PMPCB: variants seen among roughly 807,000 people sequenced by gnomAD.
PMPCB encodes mitochondrial-processing peptidase subunit beta.
PMPCB carries 46 observed loss-of-function variants against 61.5 expected under a neutral mutation model. The observed-to-expected ratio is 0.75, with a 90% CI of 0.59 to 0.96. The LOEUF is 0.96. PMPCB is among the 40% of genes least tolerant of loss of function. The pLI, the probability that PMPCB is intolerant of heterozygous loss-of-function variation, is 0.00. For missense variants in PMPCB, 590 were observed against 602.4 expected, an observed-to-expected ratio of 0.98 and a Z score of 0.22; for synonymous variants, 191 against 201.6, an observed-to-expected ratio of 0.95 and a Z score of 0.44.
chr7:103,301,055 T>C (rs1817437250), intron 4 of PMPCB, among the ~76,000 whole-genome samples: 1 of 152,248 alleles, frequency 6.6e-6, no homozygotes. Context: ...GGATTCCTAA[T>C]AGACTTTCAT....
chr7:103,309,222 TA>T, intron 8 of PMPCB, 127 bp downstream of exon 8: 4 of 672,540 alleles, frequency 5.9e-6, no homozygotes, highest in Non-Finnish European at 8.7e-6. Flanking sequence ...AATTCTGACT[TA>T]AAAATATAAA....
chr7:103,297,930 C>G, intron 1 of PMPCB: 1 of 1,263,398 alleles, frequency 7.9e-7, no homozygotes, highest in Non-Finnish European at 1.0e-6. Context: ...AGCTGGGCTT[C>G]CCGCGAACCT....
At chr7:103,306,627 C>T (rs535451957) in intron 6 of PMPCB, among the ~76,000 whole-genome samples, 14 of 152,258 alleles carry the variant, frequency 9.2e-5, no homozygotes, top group African/African-American at 3.4e-4. Flanking sequence ...TCAGGTGATC[C>T]GCCTGCCTCA....
chr7:103,319,305 T>G (rs1818248977), downstream of PMPCB, among the ~76,000 whole-genome samples: 1 of 152,068 alleles, frequency 6.6e-6, no homozygotes, highest in South Asian at 2.1e-4. Flanking sequence ...GGTGTGGTGT[T>G]GTGCGCCTAT....
At chr7:103,345,398 T>A in the PMPCB span, among the ~76,000 whole-genome samples, 1 of 152,096 alleles carries the variant, frequency 6.6e-6, no homozygotes, top group Non-Finnish European at 1.5e-5. Context: ...GTATTCCTAC[T>A]ATATGCTTCC....
At chr7:103,327,971 A>C (rs1488251640) in intron 12 of PMPCB, among the ~76,000 whole-genome samples, 1 of 152,024 alleles carries the variant, frequency 6.6e-6, no homozygotes, top group Non-Finnish European at 1.5e-5. Context: ...CCCAGGCTGG[A>C]GTGTAATGGC....
intron 12 of PMPCB, chr7:103,321,979 T>C: frequency 6.2e-7 from 1 of 1,614,192 alleles, no homozygotes; most frequent in African/African-American, 1.3e-5. Context: ...ATGGCTTTTT[T>C]CTGGATATCT....
chr7:103,309,026 A>G lies in PMPCB; in HGVS notation c.924A>G (p.Pro308=). 1 of 1,609,530 alleles carries G rather than the reference A, an allele frequency of 6.2e-7. No homozygotes were observed. The highest frequency in any genetic ancestry group is 8.5e-7 in the Non-Finnish European group (1 of 1,177,556). ...IAVEAVGWAH[P]DTICLMVANT... ...TTGAAGCTGTTGGTTGGGCACATCC[A>G]GATACAATCTGTCTCATGGTTGCAA... The change falls in exon 8 of 13, where the codon CCA becomes CCG. Residue 308 remains proline, a synonymous_variant. Transcript: ENST00000249269.
chr7:103,311,486 A>G, intron 9 of PMPCB, 157 bp from the exon 10 acceptor site: 1 of 612,344 alleles, frequency 1.6e-6, no homozygotes, highest in Non-Finnish European at 2.9e-6. Context: ...TGAGAAATTA[A>G]TACTGGGGAA....
chr7:103,336,148 C>CT, the PMPCB span: 4 of 152,160 alleles, frequency 2.6e-5, no homozygotes, highest in Non-Finnish European at 4.4e-5. Flanking sequence ...GCCTGCGCAA[C>CT]AAGTACGAAA....
Position 103,312,193 on chromosome 7 carries a change from T to C in PMPCB, c.1406-14T>C. The C allele has an allele frequency of 1.2e-6, 2 of 1,613,916 alleles. No individual in the cohort carries two copies. Among genetic ancestry groups the C allele is most frequent in the Non-Finnish European group, 1.7e-6 (2 of 1,179,930 alleles). ...GCCAAGTACTTTTAATTAACTCTTC[T>C]TTTTAATCCTTAGGTCCCATTAAGC... On this transcript the variant is annotated splice_polypyrimidine_tract_variant and intron_variant, in intron 12 of 12. Coordinates refer to ENST00000249269, the MANE Select transcript of PMPCB (RefSeq NM_004279.3).
chr7:103,306,379 G>C (rs1817575862), intron 6 of PMPCB, among the ~76,000 whole-genome samples: 1 of 145,864 alleles, frequency 6.9e-6, no homozygotes, highest in Non-Finnish European at 1.5e-5. Flanking sequence ...TTGTTCCTGA[G>C]TTCTTTTTTT....
chr7:103,336,512 T>G, the PMPCB span: 1 of 152,028 alleles, frequency 6.6e-6, no homozygotes, highest in Non-Finnish European at 1.5e-5. Flanking sequence ...CCCAGCTAAT[T>G]TTTTTGTATT....
chr7:103,297,640 C>G lies in PMPCB; in HGVS notation c.99+82C>G, dbSNP rs141327037. On this transcript the variant is annotated intron_variant, in intron 1 of 12. Transcript: ENST00000249269. Reference sequence around the variant, plus strand: ...GCACCTGAGAGTCGGCGCCACAGATCCGAACAGTGGGTCGGGCAGGGCCTC... The same window carrying G: ...GCACCTGAGAGTCGGCGCCACAGATGCGAACAGTGGGTCGGGCAGGGCCTC... The G allele has an allele frequency of 8.5e-5, 135 of 1,586,536 alleles. No homozygotes were observed. The African/African-American group carries it at 1.6e-3, about 19-fold the overall frequency.
chr7:103,339,351 A>G, the PMPCB span, among the ~76,000 whole-genome samples: 1 of 152,116 alleles, frequency 6.6e-6, no homozygotes, highest in South Asian at 2.1e-4. Flanking sequence ...TTCTTTCTAT[A>G]CCAAAGACCT....
the PMPCB span, chr7:103,341,949 T>C: frequency 6.3e-7 from 1 of 1,580,164 alleles, no homozygotes; most frequent in Non-Finnish European, 8.6e-7. Context: ...TGACAGAGTG[T>C]AGAGGCTGTG....
chr7:103,331,163 G>C (rs1818954019), downstream of PMPCB, among the ~76,000 whole-genome samples: 1 of 152,030 alleles, frequency 6.6e-6, no homozygotes, highest in South Asian at 2.1e-4. Context: ...TGCCATGTTG[G>C]CCAGGCTTGG....
intron 12 of PMPCB, chr7:103,322,935 T>A (rs1448781089): frequency 3.0e-6 from 2 of 668,424 alleles, no homozygotes; most frequent in Non-Finnish European, 4.7e-6. Context: ...AAACAATGAT[T>A]TTTTTTTTTT....
chr7:103,313,876 G>T lies in PMPCB; in HGVS notation c.*1605G>T. On this transcript the variant is annotated 3_prime_UTR_variant, in exon 13 of 13. Transcript: ENST00000249269. ...AGAAAGCTGATTTGGTTAAGTTAAT[G>T]GACTTCTGGCAATTTAGTTATTTCA... The T allele has an allele frequency of 3.0e-6, 3 of 985,370 alleles. No homozygotes were observed. Among genetic ancestry groups the T allele is most frequent in the Non-Finnish European group, 3.6e-6 (3 of 829,912 alleles). 61.0% of individuals were successfully genotyped at this position (985,370 alleles called of 1,614,324 possible).
Sources: gnomAD v4.1 joint callset for allele counts (sites outside exome capture counted in the v4.1 genomes callset) on GRCh38, gnomAD v4.1.1 for gene constraint, MANE v1.5 for transcripts, NCBI Gene and HGNC (gene_info 2026-07-23, HGNC 2026-07-21) for gene names.